The following KMT2C variants were observed in gnomAD, a reference collection of about 807,000 sequenced individuals.
The protein encoded by KMT2C is histone-lysine N-methyltransferase 2C.
A neutral mutation model predicts 507.9 loss-of-function variants in KMT2C; 88 were observed. The ratio of observed to expected loss-of-function variants is 0.17; its 90% CI spans 0.15 to 0.21. KMT2C has a LOEUF of 0.21. KMT2C is among the 10% of genes least tolerant of loss of function. KMT2C has a pLI of 1.00. For synonymous variants in KMT2C, 2,049 were observed against 2,080.8 expected (o/e 0.98, Z 0.42); for missense variants, 4,954 against 5,957.8 (o/e 0.83, Z 5.55).
rs1381946758 is a variant in KMT2C, at chr7:152,207,592, T to C, written c.3713-164A>G. 2.0e-5 allele frequency among the ~76,000 whole-genome samples: 3 copies of C among 152,292 alleles called. No individual in the cohort carries two copies. In the East Asian group the frequency reaches 5.8e-4, roughly 29 times the overall value. The stretch of plus-strand genomic sequence containing the variant: ...AGATAGAAGAAGCCCCAAATGGTTG[T>C]AGAAATTGTGCTGCTTAGTGCAGTG... On this transcript the variant is annotated intron_variant, in intron 23 of 58. Coordinates refer to ENST00000262189, the MANE Select transcript of KMT2C (RefSeq NM_170606.3).
rs1349412602 is a variant in KMT2C, at chr7:152,288,164, A to T, written c.850-14297T>A. 2.0e-5 allele frequency among the ~76,000 whole-genome samples: 3 copies of T among 151,500 alleles called. No homozygotes were observed. In the East Asian group the frequency reaches 5.8e-4, roughly 29 times the overall value. On this transcript the variant is annotated intron_variant, in intron 6 of 58. Transcript: ENST00000262189. ...ATATGCTAACAAAAATAAAATACAA[A>T]CTAAGCTGAACAACAAAATGGGAGA...
chr7:152,162,884 T>C lies in KMT2C; in HGVS notation c.10693A>G (p.Asn3565Asp). 6.2e-7 allele frequency: 1 copy of C among 1,614,192 alleles called. No individual in the cohort carries two copies. The highest frequency in any genetic ancestry group is 8.5e-7 in the Non-Finnish European group (1 of 1,180,016). The change falls in exon 43 of 59, where the codon AAT becomes GAT. Residue 3565 changes from asparagine (N) to aspartate (D), a missense_variant. By Grantham distance (23) the Asn-to-Asp change is conservative. Coordinates refer to ENST00000262189, the MANE Select transcript of KMT2C (RefSeq NM_170606.3). ...PALPAAPPVA[N>D]SSLPCGQDST... ...TCTTGGCCACATGGGAGACTGCTAT[T>C]AGCTACTGGAGGTGCTGCTGGTAAA...
At chr7:152,410,790 A>G (rs12532162) in intron 1 of KMT2C, among the ~76,000 whole-genome samples, 25,477 of 150,974 alleles carry the variant, frequency 0.17, 538 homozygotes, top group African/African-American at 0.23. Flanking sequence ...TGAACCCAGG[A>G]GCTCGAGGTC....
intron 1 of KMT2C, among the ~76,000 whole-genome samples, chr7:152,362,364 G>A (rs1388800302): frequency 2.6e-5 from 4 of 152,066 alleles, no homozygotes; most frequent in Non-Finnish European, 5.9e-5. Flanking sequence ...GCGGTAGGGG[G>A]TAAGAAGGCA....
At chr7:152,280,217 TGAGA>T (rs1214248655) in intron 6 of KMT2C, among the ~76,000 whole-genome samples, 1 of 152,094 alleles carries the variant, frequency 6.6e-6, no homozygotes, top group Non-Finnish European at 1.5e-5. Context: ...CTCTAGGAAC[TGAGA>T]GTGACCCAAG....
chr7:152,227,898 T>C (rs973434687), intron 18 of KMT2C, among the ~76,000 whole-genome samples: 2 of 151,996 alleles, frequency 1.3e-5, no homozygotes, highest in African/African-American at 4.8e-5. Flanking sequence ...AAGACACTGG[T>C]GAACAGGGAG....
At chr7:152,165,616 C>T (rs376798888) in intron 42 of KMT2C, among the ~76,000 whole-genome samples, 1 of 152,146 alleles carries the variant, frequency 6.6e-6, no homozygotes, top group African/African-American at 2.4e-5. Flanking sequence ...AGATAAGACA[C>T]GTGAGTCCAA....
chr7:152,174,663 A>C (rs1266764168), intron 38 of KMT2C, among the ~76,000 whole-genome samples: 3 of 152,236 alleles, frequency 2.0e-5, no homozygotes, highest in East Asian at 1.9e-4. Flanking sequence ...CCTCTCAATA[A>C]GAAGCTACTA....
intron 4 of KMT2C, among the ~76,000 whole-genome samples, chr7:152,313,337 C>A (rs1424930680): frequency 6.6e-6 from 1 of 151,848 alleles, no homozygotes; most frequent in African/African-American, 2.4e-5. Context: ...TGTAAAAAAA[C>A]CAAGAGAATG....
intron 1 of KMT2C, among the ~76,000 whole-genome samples, chr7:152,409,388 C>G (rs2097657406): frequency 6.7e-6 from 1 of 150,044 alleles, no homozygotes; most frequent in Non-Finnish European, 1.5e-5. Flanking sequence ...TAATTAAATT[C>G]TGGTAATCAG....
intron 1 of KMT2C, among the ~76,000 whole-genome samples, chr7:152,382,111 C>CT (rs1022216400): frequency 3.3e-5 from 5 of 152,232 alleles, no homozygotes; most frequent in African/African-American, 1.2e-4. Flanking sequence ...TTTTCCAACT[C>CT]TTTTTTCCAC....
Position 152,310,004 on chromosome 7 carries a change from C to T in KMT2C, c.811G>A (p.Val271Met), listed in dbSNP as rs2096656249. The change falls in exon 6 of 59, where the codon GTG (valine) becomes ATG (methionine). Residue 271 changes from valine (V) to methionine (M), a missense_variant. Around this residue, in one of 29 missense-constraint regions of KMT2C, gnomAD observed 233 missense variants for 263.6 expected, o/e 0.88. Transcript: ENST00000262189. ...GAGACAACAGCTTTGTCCACGTTCA[C>T]TAACAATGGTTCTTCCATCTGGCAT... ...GVCQMEEPLL[V>M]NVDKAVVSGS... is the part of the protein sequence containing the mutation. 6.2e-7 allele frequency: 1 copy of T among 1,613,748 alleles called. No homozygotes were observed. The highest frequency in any genetic ancestry group is 8.5e-7 in the Non-Finnish European group (1 of 1,179,700).
At chr7:152,277,109 AT>A (rs1182169300) in intron 6 of KMT2C, among the ~76,000 whole-genome samples, 3 of 152,220 alleles carry the variant, frequency 2.0e-5, no homozygotes, top group African/African-American at 7.2e-5. Flanking sequence ...TCATAAAAAA[AT>A]ACCAAGAAGT....
In KMT2C at chr7:152,163,176, T is replaced by C; in HGVS notation, c.10401A>G (p.Gly3467=). The C allele has an allele frequency of 6.2e-7, 1 of 1,614,082 alleles. No homozygotes were observed. The highest frequency in any genetic ancestry group is 8.5e-7 in the Non-Finnish European group (1 of 1,180,014). ...GGTGTTGTGGAGACTGCTGAAGGGG[T>C]CCTAGAGGTTGCATAAAATCACAAG... is the stretch of plus-strand genomic sequence containing the variant. ...DLPCDFMQPL[G]PLQQSPQHQQ... Residue 3467 remains glycine (G), a synonymous_variant, in exon 43 of 59, where the codon GGA becomes GGG. Transcript: ENST00000262189.
chr7:152,193,936 T>C (rs2093886160), intron 31 of KMT2C, 73 bp downstream of exon 31: 2 of 1,316,854 alleles, frequency 1.5e-6, no homozygotes, highest in Middle Eastern at 2.0e-4. Context: ...AAAACTTGCT[T>C]GTGTGTGTAT....
chr7:152,214,047 A>G (rs2094515744), intron 23 of KMT2C, among the ~76,000 whole-genome samples: 1 of 152,204 alleles, frequency 6.6e-6, no homozygotes, highest in Non-Finnish European at 1.5e-5. Flanking sequence ...TAGAATGACT[A>G]TTATCAAAAA....
Position 152,348,528 on chromosome 7 carries a change from G to A in KMT2C, c.250+10059C>T, listed in dbSNP as rs978019358. On this transcript the variant is annotated intron_variant, in intron 2 of 58. Coordinates refer to ENST00000262189, the MANE Select transcript of KMT2C (RefSeq NM_170606.3). ...GTAAGAGAATCGCCTGAACCCGGGA[G>A]GTGGAGGCTGCAGTGAGCCGAGATT... Among the ~76,000 whole-genome samples, 6 of 150,126 alleles carry A rather than the reference G, an allele frequency of 4.0e-5. No individual in the cohort carries two copies. In the Admixed American group the frequency reaches 4.0e-4, roughly 10 times the overall value.
intron 6 of KMT2C, among the ~76,000 whole-genome samples, chr7:152,303,082 G>GA (rs2096585322): frequency 6.6e-6 from 1 of 150,440 alleles, no homozygotes; most frequent in Non-Finnish European, 1.5e-5. Flanking sequence ...GAAATTAAAA[G>GA]AAAAACGACG....
rs149876758 is a variant in KMT2C at position 152,205,797 on chromosome 7, C to T, written c.3842-572G>A. Among the ~76,000 whole-genome samples, 7 of 152,254 alleles carry T rather than the reference C, an allele frequency of 4.6e-5. No individual in the cohort carries two copies. The East Asian group carries it at 9.6e-4, about 21-fold the overall frequency. ...AGTGCACTCTATGATGTTCACGCAACGATGAAAATGCCTAATGATGTATTT... is the reference window on the plus strand; with the variant it reads ...AGTGCACTCTATGATGTTCACGCAATGATGAAAATGCCTAATGATGTATTT... On this transcript the variant is annotated intron_variant, in intron 24 of 58. Coordinates refer to ENST00000262189, the MANE Select transcript of KMT2C (RefSeq NM_170606.3).
Sources: allele counts gnomAD v4.1 joint callset (sites outside exome capture counted in the v4.1 genomes callset), GRCh38; gene constraint gnomAD v4.1.1; regional missense constraint gnomAD v4.1.1; transcripts MANE v1.5; gene names NCBI Gene and HGNC (gene_info 2026-07-23, HGNC 2026-07-21).